Variants in TRDN observed in about 807,000 individuals in gnomAD.
TRDN encodes the protein triadin.
In TRDN, 161 loss-of-function variants were observed where a neutral mutation model predicts 149.7. The observed-to-expected ratio is 1.08, with a 90% CI of 0.95 to 1.23. The LOEUF is 1.23. Among genes scored for constraint, TRDN ranks in the 50% most tolerant of loss-of-function variants. The probability of loss-of-function intolerance (pLI) is 0.00; values close to 1 mark genes in which losing one functional copy is unlikely to be tolerated. For missense variants in TRDN, 896 were observed against 823.5 expected, an observed-to-expected ratio of 1.09 and a Z score of -1.08; for synonymous variants, 294 against 250.5, an observed-to-expected ratio of 1.17 and a Z score of -1.64.
At chr6:123,440,436 C>T (rs1407169149) in intron 10 of TRDN, among the ~76,000 whole-genome samples, 1 of 152,124 alleles carries the variant, frequency 6.6e-6, no homozygotes, top group Non-Finnish European at 1.5e-5. Flanking sequence ...AATGAAGATA[C>T]TTTCAAGTAT....
At chr6:123,404,396 T>C (rs1329991327) in intron 12 of TRDN, among the ~76,000 whole-genome samples, 1 of 152,156 alleles carries the variant, frequency 6.6e-6, no homozygotes, top group Non-Finnish European at 1.5e-5. Context: ...TTACAATCTA[T>C]TTTTAACCTT....
intron 12 of TRDN, among the ~76,000 whole-genome samples, chr6:123,414,839 G>C (rs952637264): frequency 6.6e-6 from 1 of 151,910 alleles, no homozygotes; most frequent in Non-Finnish European, 1.5e-5. Context: ...CATTCTCCTA[G>C]GTAAAAATGT....
At chr6:123,578,389 A>G (rs1371536377) in intron 1 of TRDN, among the ~76,000 whole-genome samples, 2 of 152,050 alleles carry the variant, frequency 1.3e-5, no homozygotes, top group Non-Finnish European at 2.9e-5. Context: ...TTGAGTAGGG[A>G]GTCATGTGAC....
At chr6:123,336,765 C>T (rs1282356281) in intron 22 of TRDN, among the ~76,000 whole-genome samples, 1 of 150,972 alleles carries the variant, frequency 6.6e-6, no homozygotes, top group Non-Finnish European at 1.5e-5. Context: ...TAATATCAGA[C>T]CTTGAGATTT....
In TRDN at chr6:123,631,760, C is replaced by T. The variant is rs559217490; in HGVS notation, c.22+4994G>A. 1.5e-4 allele frequency among the ~76,000 whole-genome samples: 23 copies of T among 151,986 alleles called. No individual in the cohort carries two copies. In the South Asian group the frequency reaches 4.4e-3, roughly 29 times the overall value. On this transcript the variant is annotated intron_variant, in intron 1 of 40. Coordinates refer to ENST00000334268, the MANE Select transcript of TRDN (RefSeq NM_006073.4). ...AAGCTTAAATAATCCCAAAAGTAGA[C>T]AATATTATAATGAAACTTAATGTAC...
At chr6:123,336,806 T>C (rs1779888372) in intron 22 of TRDN, among the ~76,000 whole-genome samples, 1 of 150,990 alleles carries the variant, frequency 6.6e-6, no homozygotes, top group South Asian at 2.1e-4. Flanking sequence ...ATTTATTATA[T>C]ATACATATAT....
intron 38 of TRDN, among the ~76,000 whole-genome samples, chr6:123,251,065 TAGGGG>T (rs1349702667): frequency 2.0e-5 from 3 of 152,182 alleles, no homozygotes; most frequent in Non-Finnish European, 4.4e-5. Context: ...CCTTTGGCTG[TAGGGG>T]AATGGTGTGG....
intron 36 of TRDN, among the ~76,000 whole-genome samples, chr6:123,255,472 A>C (rs1776525314): frequency 1.3e-5 from 2 of 152,166 alleles, no homozygotes; most frequent in Admixed American, 1.3e-4. Context: ...GCTCCAATAA[A>C]CTATTTGATA....
intron 1 of TRDN, among the ~76,000 whole-genome samples, chr6:123,602,156 A>C (rs1344101488): frequency 6.6e-6 from 1 of 152,118 alleles, no homozygotes; most frequent in Non-Finnish European, 1.5e-5. Context: ...TTAAAAAATA[A>C]GTTTGAATAA....
intron 14 of TRDN, among the ~76,000 whole-genome samples, chr6:123,388,054 GC>G (rs1781972720): frequency 6.6e-6 from 1 of 151,432 alleles, no homozygotes; most frequent in Non-Finnish European, 1.5e-5. Flanking sequence ...AAAATGAAAA[GC>G]GGTATATAAG....
chr6:123,418,946 C>T (rs573874861), intron 12 of TRDN, among the ~76,000 whole-genome samples: 61 of 152,056 alleles, frequency 4.0e-4, no homozygotes, highest in Non-Finnish European at 7.4e-4. Flanking sequence ...TGCACCAGGA[C>T]GACTGAATCA....
At chr6:123,495,888 T>C (rs1778423318) in intron 9 of TRDN, among the ~76,000 whole-genome samples, 1 of 151,914 alleles carries the variant, frequency 6.6e-6, no homozygotes, top group Admixed American at 6.6e-5. Context: ...AATTATTTGC[T>C]CAAGACCTAA....
At position 123,502,627 on chromosome 6, in the gene TRDN, T is replaced by A. The variant is rs1583156099; in HGVS notation, c.793+1092A>T. 4.1e-6 allele frequency: 4 copies of A among 984,860 alleles called. No homozygotes were observed. In the African/African-American group the frequency reaches 7.0e-5, roughly 17 times the overall value. The allele number at this position is 984,860 out of a possible 1,614,324, so 61.0% of individuals were successfully genotyped here. Reference sequence around the variant, plus strand: ...CAGTACGAGTGCATTGCAAATTTCATTTCTTGTGCCTTATGAGGAAAAATT... The same window carrying A: ...CAGTACGAGTGCATTGCAAATTTCAATTCTTGTGCCTTATGAGGAAAAATT... On this transcript the variant is annotated intron_variant, in intron 8 of 40. Coordinates refer to ENST00000334268, the MANE Select transcript of TRDN (RefSeq NM_006073.4).
At chr6:123,555,431 A>G (rs1781597803) in intron 2 of TRDN, among the ~76,000 whole-genome samples, 1 of 152,186 alleles carries the variant, frequency 6.6e-6, no homozygotes, top group Non-Finnish European at 1.5e-5. Flanking sequence ...CAACACCTTT[A>G]TTCCTCTGTA....
At chr6:123,329,168 T>C (rs553786910) in intron 23 of TRDN, among the ~76,000 whole-genome samples, 62 of 152,248 alleles carry the variant, frequency 4.1e-4, no homozygotes, top group African/African-American at 1.5e-3. Context: ...TGAACGACAT[T>C]TTTATTTTAA....
In TRDN at chr6:123,358,714, C is replaced by T. The variant is rs571641125; in HGVS notation, c.1322-6128G>A. ...GTCAGGCTGGTCTCGAACTCCTGAC[C>T]TCAGGTGATTCACCTGCCTCGGCCT... On this transcript the variant is annotated intron_variant, in intron 20 of 40. Coordinates refer to ENST00000334268, the MANE Select transcript of TRDN (RefSeq NM_006073.4). Among the ~76,000 whole-genome samples the T allele has an allele frequency of 3.9e-5, 6 of 152,210 alleles. No homozygotes were observed. The South Asian group carries it at 6.2e-4, about 16-fold the overall frequency.
chr6:123,366,057 C>T (rs1781087263), intron 20 of TRDN, 78 bp downstream of exon 20: 1 of 1,330,460 alleles, frequency 7.5e-7, no homozygotes, highest in Non-Finnish European at 1.1e-6. Context: ...CTTTTCTAAG[C>T]ACAAAACAAT....
intron 24 of TRDN, among the ~76,000 whole-genome samples, chr6:123,311,471 C>G (rs548335084): frequency 6.6e-6 from 1 of 151,850 alleles, no homozygotes; most frequent in Admixed American, 6.6e-5. Flanking sequence ...TGAGGAAGTA[C>G]CTTGCCAGTA....
intron 12 of TRDN, 32 bp from the exon 13 acceptor site, chr6:123,393,709 A>G (rs572149587): frequency 1.3e-6 from 2 of 1,578,656 alleles, no homozygotes; most frequent in African/African-American, 2.7e-5. Flanking sequence ...ATTACCATGA[A>G]GTATGATTTT....
Sources: gnomAD v4.1 joint callset for allele counts (sites outside exome capture counted in the v4.1 genomes callset) on GRCh38, gnomAD v4.1.1 for gene constraint, MANE v1.5 for transcripts, NCBI Gene and HGNC (gene_info 2026-07-23, HGNC 2026-07-21) for gene names.